Variants in RBM22 observed in about 807,000 individuals in gnomAD.
RBM22 encodes RNA binding motif protein 22, also known as pre-mRNA-splicing factor RBM22.
In RBM22, 1 loss-of-function variant was observed where a neutral mutation model predicts 50.1. That is an observed-to-expected ratio of 0.02 (90% confidence interval 0.01 to 0.09). The LOEUF (loss-of-function observed/expected upper bound fraction) is 0.09. Among genes scored for constraint, RBM22 ranks in the 10% least tolerant of loss-of-function variants. The pLI, the probability that RBM22 is intolerant of heterozygous loss-of-function variation, is 1.00. For synonymous variants in RBM22, 152 were observed against 179.0 expected (o/e 0.85, Z 1.20); for missense variants, 264 against 529.3 (o/e 0.50, Z 4.92).
At chr5:150,693,061 A>G in intron 9 of RBM22, 35 bp from the exon 10 acceptor site, 3 of 1,585,418 alleles carry the variant, frequency 1.9e-6, no homozygotes, top group Non-Finnish European at 2.6e-6. Context: ...CATAGAGGGG[A>G]GAACAATTGT....
intron 1 of RBM22, 57 bp from the exon 2 acceptor site, chr5:150,700,554 G>C (rs942117481): frequency 1.2e-6 from 2 of 1,612,454 alleles, no homozygotes; most frequent in Admixed American, 1.7e-5. Flanking sequence ...TGACACCTCA[G>C]TGACACTTGG....
chr5:150,693,311 G>A lies in RBM22; in HGVS notation c.912-4C>T. 3 of 1,610,838 alleles carry A rather than the reference G, an allele frequency of 1.9e-6. No individual in the cohort carries two copies. The highest frequency in any genetic ancestry group is 2.5e-6 in the Non-Finnish European group (3 of 1,178,184). ...TTTTCCTCTGGCTGCCTGGGATCTG[G>A]GAAACACACATGCATACAGTCGGCA... On this transcript the variant is annotated splice_region_variant and splice_polypyrimidine_tract_variant and intron_variant, in intron 8 of 10. Coordinates refer to ENST00000199814, the MANE Select transcript of RBM22 (RefSeq NM_018047.3).
chr5:150,699,308 C>A (rs907274720), intron 2 of RBM22, 37 bp from the exon 3 acceptor site: 3 of 1,538,758 alleles, frequency 1.9e-6, no homozygotes, highest in South Asian at 1.3e-5. Context: ...ACTGGAGTTA[C>A]AGAAAGAAAA....
Position 150,698,644 on chromosome 5 carries a change from G to A in RBM22, c.139-13C>T. Reference sequence around the variant, plus strand: ...GCCTGGCACAGATCTGGAACACAAAGCAAGAGCCATAGAATGTCAATGGTC... The same window carrying A: ...GCCTGGCACAGATCTGGAACACAAAACAAGAGCCATAGAATGTCAATGGTC... On this transcript the variant is annotated splice_polypyrimidine_tract_variant and intron_variant, in intron 3 of 10. Transcript: ENST00000199814. 3 of 1,613,460 alleles carry A rather than the reference G, an allele frequency of 1.9e-6. No homozygotes were observed. The highest frequency in any genetic ancestry group is 2.5e-6 in the Non-Finnish European group (3 of 1,179,882).
chr5:150,698,058 G>C (rs1348807542), intron 4 of RBM22, among the ~76,000 whole-genome samples: 1 of 152,090 alleles, frequency 6.6e-6, no homozygotes, highest in Non-Finnish European at 1.5e-5. Context: ...GGAGTTCGAA[G>C]TTGCAGTGAG....
intron 7 of RBM22, chr5:150,694,816 A>C (rs1371957269): frequency 6.6e-6 from 1 of 152,602 alleles, no homozygotes; most frequent in South Asian, 2.1e-4. Flanking sequence ...TCATCTAGCC[A>C]AGCATAATAC....
At chr5:150,695,400 C>T (rs535731148) in intron 7 of RBM22, 106 bp downstream of exon 7, 21 of 1,015,030 alleles carry the variant, frequency 2.1e-5, no homozygotes, top group Non-Finnish European at 2.9e-5. Flanking sequence ...AGAGAGACTA[C>T]AGAAAAATGT....
intron 4 of RBM22, chr5:150,697,671 C>T (rs1161686949): frequency 3.8e-6 from 1 of 261,086 alleles, no homozygotes; most frequent in Non-Finnish European, 7.6e-6. Flanking sequence ...AAAATGTGGC[C>T]AGGACTCTGA....
chr5:150,697,685 G>A (rs528590329), intron 4 of RBM22: 13 of 297,530 alleles, frequency 4.4e-5, no homozygotes, highest in East Asian at 2.6e-4. Flanking sequence ...ACTCTGACTA[G>A]AAGAGTAACT....
intron 1 of RBM22, 191 bp from the exon 2 acceptor site, chr5:150,700,688 A>G: frequency 6.5e-7 from 1 of 1,527,304 alleles, no homozygotes; most frequent in Non-Finnish European, 8.8e-7. Context: ...AGAAAAGAAA[A>G]CCAGCTCTAA....
chr5:150,696,968 T>C lies in RBM22; in HGVS notation c.272-77A>G. ...ATACTAACCATGCACACAGAATACA[T>C]CATCTTTCCCTTCTCCTCTTTCCTA... On this transcript the variant is annotated intron_variant, in intron 4 of 10. Transcript: ENST00000199814. This position sits in a 1 kb window ranked among gnomAD's most constrained non-coding sequence, Gnocchi z 4.3. The C allele has an allele frequency of 7.4e-7, 1 of 1,344,910 alleles. No homozygotes were observed. The highest frequency in any genetic ancestry group is 1.2e-5 in the South Asian group (1 of 81,946). The allele number at this position is 1,344,910 out of a possible 1,614,324, so 83.3% of individuals were successfully genotyped here. A position where few individuals can be genotyped will look rare whatever the true frequency, so the allele number is the denominator to read the frequency against.
At position 150,692,001 on chromosome 5, in the gene RBM22, A is replaced by T. The variant is rs1451703122; in HGVS notation, c.1133-120T>A. 3 of 1,106,990 alleles carry T rather than the reference A, an allele frequency of 2.7e-6. No individual in the cohort carries two copies. The African/African-American group carries it at 4.8e-5, about 18-fold the overall frequency. 68.6% of individuals were successfully genotyped at this position (1,106,990 alleles called of 1,614,324 possible). ...TAAATCAAGGTTGACACGGGGCTTA[A>T]GCAAATGTCAGTTCACAAACTTACT... is the stretch of plus-strand genomic sequence containing the variant. On this transcript the variant is annotated intron_variant, in intron 10 of 10. Coordinates refer to ENST00000199814, the MANE Select transcript of RBM22 (RefSeq NM_018047.3).
chr5:150,695,210 G>A, intron 7 of RBM22: 1 of 293,150 alleles, frequency 3.4e-6, no homozygotes, highest in Non-Finnish European at 6.5e-6. Flanking sequence ...TGATTTCTTA[G>A]TAGAGATGTG....
At position 150,700,564 on chromosome 5, in the gene RBM22, G is replaced by A. The variant is rs764667358; in HGVS notation, c.55-67C>T. ...GACCCTGACACCTCAGTGACACTTG[G>A]GGTGGCGAGGGGGCGGGAAGCGAGG... On this transcript the variant is annotated intron_variant, in intron 1 of 10. Transcript: ENST00000199814. 3.1e-6 allele frequency: 5 copies of A among 1,609,248 alleles called. No individual in the cohort carries two copies. In the African/African-American group the frequency reaches 5.3e-5, roughly 17 times the overall value.
chr5:150,700,468 A>C lies in RBM22; in HGVS notation c.84T>G (p.Leu28=), dbSNP rs777647490. The part of the protein sequence containing the change: ...ADFPILCQTC[L]GENPYIRMTK... ...CCATTCGGATATATGGGTTTTCTCCAAGACATGTCTGGCACAGAATGGGGA... is the reference window on the plus strand; with the variant it reads ...CCATTCGGATATATGGGTTTTCTCCCAGACATGTCTGGCACAGAATGGGGA... Residue 28 remains leucine, a synonymous_variant, in exon 2 of 11, where the codon CTT becomes CTG. Transcript: ENST00000199814. The C allele has an allele frequency of 1.2e-6, 2 of 1,614,124 alleles. No individual in the cohort carries two copies. Among genetic ancestry groups the C allele is most frequent in the East Asian group, 4.5e-5 (2 of 44,888 alleles).
At chr5:150,699,097 G>A (rs917676209) in intron 3 of RBM22, 145 bp downstream of exon 3, 32 of 1,169,762 alleles carry the variant, frequency 2.7e-5, no homozygotes, top group Non-Finnish European at 3.6e-5. Flanking sequence ...ACAGTTGCCA[G>A]CCAATGAATA....
chr5:150,691,875 C>T lies in RBM22; in HGVS notation c.1139G>A (p.Gly380Glu). ...TCCCATTGGGTGGAACATGTGTGGC[C>T]CAAAACCTGCAGATACGAGAGAACA... ...GIAPPPPPGF[G>E]PHMFHPMGPP... Residue 380 changes from glycine (G) to glutamate (E), a missense_variant, in exon 11 of 11, where the codon GGG becomes GAG. Coordinates refer to ENST00000199814, the MANE Select transcript of RBM22 (RefSeq NM_018047.3). 6.3e-7 allele frequency: 1 copy of T among 1,580,752 alleles called. No individual in the cohort carries two copies.
At chr5:150,692,841 G>A (rs1310943724) in intron 10 of RBM22, 54 bp downstream of exon 10, 17 of 1,513,628 alleles carry the variant, frequency 1.1e-5, no homozygotes, top group Non-Finnish European at 1.5e-5. Context: ...TGAGGTTTAT[G>A]AGACAGAACT....
chr5:150,696,983 C>T lies in RBM22; in HGVS notation c.272-92G>A, dbSNP rs1759284155. 1.8e-5 allele frequency: 22 copies of T among 1,225,574 alleles called. 1 individual carries two copies. The South Asian group carries it at 2.2e-4, about 12-fold the overall frequency. 75.9% of individuals were successfully genotyped at this position (1,225,574 alleles called of 1,614,324 possible). A position where few individuals can be genotyped will look rare whatever the true frequency, so the allele number is the denominator to read the frequency against. Reference sequence around the variant, plus strand: ...ACAGAATACATCATCTTTCCCTTCTCCTCTTTCCTATTTAGTACCAGAGAC... The same window carrying T: ...ACAGAATACATCATCTTTCCCTTCTTCTCTTTCCTATTTAGTACCAGAGAC... On this transcript the variant is annotated intron_variant, in intron 4 of 10. Transcript: ENST00000199814. This position sits in a 1 kb window ranked among gnomAD's most constrained non-coding sequence, Gnocchi z 4.3.
Sources: allele counts gnomAD v4.1 joint callset (sites outside exome capture counted in the v4.1 genomes callset), GRCh38; gene constraint gnomAD v4.1.1; non-coding constraint Gnocchi (gnomAD v3.1); transcripts MANE v1.5; gene names NCBI Gene and HGNC (gene_info 2026-07-23, HGNC 2026-07-21).